The following ARMH4 variants were observed in gnomAD, a reference collection of about 807,000 sequenced individuals.
ARMH4 encodes armadillo like helical domain containing 4.
Under a neutral mutation model 61.9 loss-of-function variants are expected in ARMH4, and 49 were observed. That is an observed-to-expected ratio of 0.79 (90% confidence interval 0.63 to 1.00). The LOEUF (loss-of-function observed/expected upper bound fraction) is 1.00. Among genes scored for constraint, ARMH4 ranks in the 50% least tolerant of loss-of-function variants. ARMH4 has a pLI of 0.00. For missense variants in ARMH4, 934 were observed against 930.0 expected, an observed-to-expected ratio of 1.00 and a Z score of -0.06; for synonymous variants, 368 against 341.5, an observed-to-expected ratio of 1.08 and a Z score of -0.85.
intron 5 of ARMH4, among the ~76,000 whole-genome samples, chr14:58,045,632 G>T (rs1040798793): frequency 1.3e-5 from 2 of 151,272 alleles, no homozygotes. Flanking sequence ...AAAGAAACAC[G>T]GTCTTGTGAG....
At chr14:58,119,556 G>A (rs74388968) in intron 4 of ARMH4, among the ~76,000 whole-genome samples, 3,211 of 152,242 alleles carry the variant, frequency 0.021, 49 homozygotes, top group Non-Finnish European at 0.032. Flanking sequence ...CACCACACAT[G>A]GAAAGCCCTG....
chr14:58,019,172 G>A (rs777432335), intron 5 of ARMH4, among the ~76,000 whole-genome samples: 3 of 152,090 alleles, frequency 2.0e-5, no homozygotes, highest in Non-Finnish European at 4.4e-5. Context: ...AAGTTCAAGA[G>A]ATCTATTGTA....
At chr14:58,087,904 G>C (rs1594749362) in intron 5 of ARMH4, among the ~76,000 whole-genome samples, 1 of 152,152 alleles carries the variant, frequency 6.6e-6, no homozygotes, top group East Asian at 1.9e-4. Context: ...GAAAAACACA[G>C]AGTACCTTAA....
At chr14:58,097,729 G>A (rs896470849) in intron 4 of ARMH4, among the ~76,000 whole-genome samples, 7 of 148,102 alleles carry the variant, frequency 4.7e-5, no homozygotes, top group South Asian at 4.3e-4. Context: ...TTTTTGAGAC[G>A]GAGTCTTGCT....
chr14:58,126,739 A>G (rs534317995), intron 4 of ARMH4, among the ~76,000 whole-genome samples: 1 of 152,070 alleles, frequency 6.6e-6, no homozygotes, highest in East Asian at 1.9e-4. Flanking sequence ...TAAAGGATAT[A>G]TTTGGTTTTG....
chr14:58,067,646 T>TG (rs1452768519), intron 5 of ARMH4, among the ~76,000 whole-genome samples: 10 of 152,218 alleles, frequency 6.6e-5, no homozygotes, highest in Admixed American at 3.9e-4. Context: ...CCTATCCACT[T>TG]GTTCCTGGGT....
At chr14:58,019,295 ATGT>A (rs1229210465) in intron 5 of ARMH4, among the ~76,000 whole-genome samples, 1 of 152,194 alleles carries the variant, frequency 6.6e-6, no homozygotes. Flanking sequence ...AAGACTAAGT[ATGT>A]TATTAGCTTG....
intron 1 of ARMH4, among the ~76,000 whole-genome samples, chr14:58,148,335 G>A (rs190312505): frequency 1.1e-4 from 17 of 152,208 alleles, no homozygotes; most frequent in African/African-American, 3.9e-4. Flanking sequence ...GTGAGCCACC[G>A]TGCTCAGCTC....
At chr14:58,098,821 G>A (rs983551909) in intron 4 of ARMH4, among the ~76,000 whole-genome samples, 3 of 151,870 alleles carry the variant, frequency 2.0e-5, no homozygotes, top group East Asian at 1.9e-4. Flanking sequence ...GGTTTTTGGG[G>A]AACAGGTAGT....
Position 58,122,705 on chromosome 14 carries a change from C to T in ARMH4, c.1831+8807G>A, listed in dbSNP as rs200252986. Among the ~76,000 whole-genome samples, 4 of 152,240 alleles carry T rather than the reference C, an allele frequency of 2.6e-5. No individual in the cohort carries two copies. The East Asian group carries it at 7.7e-4, about 29-fold the overall frequency. On this transcript the variant is annotated intron_variant, in intron 4 of 7. Transcript: ENST00000267485. ...TGGAAAAGGGAAAAGCTGGGCAAAT[C>T]GAATGCCTAATAGGGCTTGCTTCCA...
Position 58,135,885 on chromosome 14 carries a change from C to T in ARMH4, c.1369+2105G>A, listed in dbSNP as rs557337810. Among the ~76,000 whole-genome samples the T allele has an allele frequency of 3.9e-5, 6 of 152,120 alleles. No homozygotes were observed. The South Asian group carries it at 1.2e-3, about 32-fold the overall frequency. ...GAAAATGAGTAGTAAAACATTTTGG[C>T]TATTGTATAACAACTGCTGTCAATA... On this transcript the variant is annotated intron_variant, in intron 2 of 7. Coordinates refer to ENST00000267485, the MANE Select transcript of ARMH4 (RefSeq NM_001001872.4).
At chr14:58,130,242 C>G (rs1887043123) in intron 4 of ARMH4, among the ~76,000 whole-genome samples, 2 of 152,120 alleles carry the variant, frequency 1.3e-5, no homozygotes, top group Non-Finnish European at 2.9e-5. Flanking sequence ...GAGCTGTTAG[C>G]CTTTGAGCCC....
intron 1 of ARMH4, among the ~76,000 whole-genome samples, chr14:58,142,625 C>A (rs552694785): frequency 8.5e-4 from 129 of 152,196 alleles, no homozygotes; most frequent in African/African-American, 2.9e-3. Flanking sequence ...GCGTGCACCA[C>A]CATGCCTGGC....
intron 5 of ARMH4, among the ~76,000 whole-genome samples, chr14:58,050,220 C>T (rs969177697): frequency 6.6e-6 from 1 of 152,184 alleles, no homozygotes; most frequent in Non-Finnish European, 1.5e-5. Context: ...GCTGTTAGGG[C>T]AACCCACCCT....
intron 5 of ARMH4, among the ~76,000 whole-genome samples, chr14:58,080,925 A>T (rs980610473): frequency 1.3e-5 from 2 of 151,968 alleles, no homozygotes; most frequent in African/African-American, 4.8e-5. Context: ...AATATGGTGA[A>T]ACCCCATTTC....
At chr14:58,122,744 G>T (rs562430744) in intron 4 of ARMH4, among the ~76,000 whole-genome samples, 1 of 152,238 alleles carries the variant, frequency 6.6e-6, no homozygotes, top group Non-Finnish European at 1.5e-5. Context: ...CGGTCTACCA[G>T]GACACTTTAA....
intron 4 of ARMH4, among the ~76,000 whole-genome samples, chr14:58,127,497 A>T (rs1886937826): frequency 1.3e-5 from 2 of 151,908 alleles, no homozygotes; most frequent in South Asian, 4.2e-4. Flanking sequence ...ACTTTATTAA[A>T]CCTCTTTTCT....
At chr14:58,065,882 C>T (rs1015305146) in intron 5 of ARMH4, among the ~76,000 whole-genome samples, 1 of 152,204 alleles carries the variant, frequency 6.6e-6, no homozygotes, top group Non-Finnish European at 1.5e-5. Flanking sequence ...AAACTGGGGG[C>T]AGCCTCCAGC....
intron 4 of ARMH4, among the ~76,000 whole-genome samples, chr14:58,123,798 A>G (rs1594770933): frequency 6.6e-6 from 1 of 152,294 alleles, no homozygotes; most frequent in Admixed American, 6.5e-5. Context: ...CCAAGACTTG[A>G]GCCAATTCTC....
Sources: allele counts gnomAD v4.1 joint callset (sites outside exome capture counted in the v4.1 genomes callset), GRCh38; gene constraint gnomAD v4.1.1; transcripts MANE v1.5; gene names NCBI Gene and HGNC (gene_info 2026-07-23, HGNC 2026-07-21).